CCDC102B: variants seen among roughly 807,000 people sequenced by gnomAD.
The protein encoded by CCDC102B is coiled-coil domain-containing protein 102B.
A neutral mutation model predicts 57.4 loss-of-function variants in CCDC102B; 75 were observed. The ratio of observed to expected loss-of-function variants is 1.31; its 90% CI spans 1.08 to 1.58. The LOEUF is 1.58. Ranked by LOEUF, CCDC102B falls within the 40% of genes most tolerant of loss-of-function variation. CCDC102B has a pLI of 0.00. For missense variants in CCDC102B, 636 were observed against 582.6 expected (o/e 1.09, Z -0.94); for synonymous variants, 206 against 201.9 (o/e 1.02, Z -0.17).
chr18:68,897,224 G>C lies in CCDC102B; in HGVS notation c.1059G>C (p.Glu353Asp). Residue 353 changes from glutamate to aspartate, a missense_variant, in exon 6 of 8, where the codon GAG becomes GAC. By Grantham distance (45) the Glu-to-Asp change is conservative (BLOSUM62 2). Coordinates refer to ENST00000360242, the MANE Select transcript of CCDC102B (RefSeq NM_024781.3). The part of the protein sequence containing the change: ...RVICELRAEL[E>D]RLQAENTSEW... Reference sequence around the variant, plus strand: ...TTTGTGTTTTCTGTGTGTAGCTAGAGAGATTGCAAGCTGAAAATACCTCGG... The same window carrying C: ...TTTGTGTTTTCTGTGTGTAGCTAGACAGATTGCAAGCTGAAAATACCTCGG... The C allele has an allele frequency of 1.2e-6, 2 of 1,611,494 alleles. No homozygotes were observed. Among genetic ancestry groups the C allele is most frequent in the Non-Finnish European group, 1.7e-6 (2 of 1,178,542 alleles).
intron 4 of CCDC102B, among the ~76,000 whole-genome samples, chr18:68,851,707 AAC>A (rs2038132961): frequency 6.6e-6 from 1 of 152,148 alleles, no homozygotes; most frequent in Admixed American, 6.5e-5. Context: ...TAAAATTTAA[AAC>A]ACAATCAAAA....
intron 6 of CCDC102B, among the ~76,000 whole-genome samples, chr18:68,938,057 G>C (rs1458595906): frequency 6.6e-6 from 1 of 151,976 alleles, no homozygotes; most frequent in Non-Finnish European, 1.5e-5. Context: ...GAATAGTGCT[G>C]CAATAAACAT....
chr18:69,024,486 T>C (rs1252076511), intron 7 of CCDC102B, among the ~76,000 whole-genome samples: 1 of 152,074 alleles, frequency 6.6e-6, no homozygotes, highest in Non-Finnish European at 1.5e-5. Flanking sequence ...AGTTGAAATA[T>C]CATACAATAA....
chr18:68,793,524 T>G (rs1261243055), upstream of CCDC102B, among the ~76,000 whole-genome samples: 1 of 152,100 alleles, frequency 6.6e-6, no homozygotes, highest in African/African-American at 2.4e-5. Flanking sequence ...TCTTTCTAAT[T>G]TACTTTCTCT....
intron 1 of CCDC102B, among the ~76,000 whole-genome samples, chr18:68,809,551 A>G (rs1568262570): frequency 6.6e-6 from 1 of 151,342 alleles, no homozygotes; most frequent in Non-Finnish European, 1.5e-5. Flanking sequence ...AATAACTTGT[A>G]ACAAATGAAT....
intron 1 of CCDC102B, among the ~76,000 whole-genome samples, chr18:68,832,236 T>G (rs551668478): frequency 2.0e-5 from 3 of 152,322 alleles, no homozygotes; most frequent in African/African-American, 7.2e-5. Context: ...CTGCCAAAAA[T>G]GCTTTTCTTT....
intron 7 of CCDC102B, among the ~76,000 whole-genome samples, chr18:69,044,019 G>A (rs1383086943): frequency 6.6e-6 from 1 of 152,062 alleles, no homozygotes; most frequent in Non-Finnish European, 1.5e-5. Flanking sequence ...CCCAGCTATT[G>A]CATTTAGTAT....
chr18:68,720,648 C>G (rs971207122), intron 2 of CCDC102B, among the ~76,000 whole-genome samples: 8 of 152,208 alleles, frequency 5.3e-5, no homozygotes. Context: ...ATCCTTATTT[C>G]AACACTGTTA....
chr18:68,944,521 G>A (rs1432367746), intron 6 of CCDC102B, among the ~76,000 whole-genome samples: 1 of 151,874 alleles, frequency 6.6e-6, no homozygotes, highest in Non-Finnish European at 1.5e-5. Flanking sequence ...ATGTTAGAAG[G>A]GGCAAGGCAG....
At chr18:68,991,891 GAACT>G (rs2050877469) in intron 6 of CCDC102B, among the ~76,000 whole-genome samples, 1 of 152,062 alleles carries the variant, frequency 6.6e-6, no homozygotes, top group African/African-American at 2.4e-5. Flanking sequence ...TACAACGTAA[GAACT>G]AATTTATATA....
intron 6 of CCDC102B, among the ~76,000 whole-genome samples, chr18:68,958,528 T>A (rs1226453928): frequency 2.6e-5 from 4 of 152,164 alleles, no homozygotes; most frequent in Admixed American, 6.5e-5. Context: ...TTTGCATCAA[T>A]CATCATCAGA....
intron 2 of CCDC102B, among the ~76,000 whole-genome samples, chr18:68,780,666 C>T (rs1399061863): frequency 6.6e-6 from 1 of 152,030 alleles, no homozygotes; most frequent in Non-Finnish European, 1.5e-5. Flanking sequence ...TTCCTAATGA[C>T]TAATGATGCT....
At chr18:68,812,322 G>A (rs2036298321) in intron 1 of CCDC102B, among the ~76,000 whole-genome samples, 2 of 152,012 alleles carry the variant, frequency 1.3e-5, no homozygotes, top group South Asian at 4.1e-4. Context: ...ATTTTAAGAT[G>A]TACTTTGTGA....
chr18:68,807,860 T>C (rs1299443573), intron 1 of CCDC102B, among the ~76,000 whole-genome samples: 1 of 152,084 alleles, frequency 6.6e-6, no homozygotes, highest in Non-Finnish European at 1.5e-5. Flanking sequence ...ACCAGAAATA[T>C]AAACACTTAA....
At chr18:68,798,489 A>G (rs892121670) in intron 1 of CCDC102B, 4 of 152,174 alleles carry the variant, frequency 2.6e-5, no homozygotes, top group Admixed American at 2.0e-4. Context: ...CAGTAATAGT[A>G]TATGTTGATA....
At chr18:68,733,492 ATATATATATATATATTTT>A (rs1266821040) in intron 2 of CCDC102B, among the ~76,000 whole-genome samples, 5 of 88,608 alleles carry the variant, frequency 5.6e-5, no homozygotes, top group African/African-American at 1.5e-4. Flanking sequence ...ATATATATAT[ATATATATATATATATTTT>A]TTTAACTTAA....
intron 6 of CCDC102B, among the ~76,000 whole-genome samples, chr18:68,967,665 T>C (rs1036637450): frequency 2.0e-5 from 3 of 152,142 alleles, no homozygotes; most frequent in Non-Finnish European, 2.9e-5. Flanking sequence ...AGATGTATGA[T>C]TTCTGGTTAT....
chr18:68,953,355 C>CTTTTTTTTTTT (rs5825890), intron 6 of CCDC102B, among the ~76,000 whole-genome samples: 3 of 125,536 alleles, frequency 2.4e-5, no homozygotes, highest in Non-Finnish European at 3.3e-5. Context: ...CAATACTTGT[C>CTTTTTTTTTTT]TTTTTTTTTT....
At chr18:68,920,830 ACCTGTTCTC>A (rs1189835846) in intron 6 of CCDC102B, among the ~76,000 whole-genome samples, 1 of 152,114 alleles carries the variant, frequency 6.6e-6, no homozygotes, top group Non-Finnish European at 1.5e-5. Context: ...TCATGATTCA[ACCTGTTCTC>A]CCTTTTGGCA....
Sources: allele counts gnomAD v4.1 joint callset (sites outside exome capture counted in the v4.1 genomes callset), GRCh38; gene constraint gnomAD v4.1.1; transcripts MANE v1.5; gene names NCBI Gene and HGNC (gene_info 2026-07-23, HGNC 2026-07-21).